DENND4C: variants seen among roughly 807,000 people sequenced by gnomAD.
DENND4C encodes the protein DENN domain-containing protein 4C.
A neutral mutation model predicts 203.0 loss-of-function variants in DENND4C; 108 were observed. The ratio of observed to expected loss-of-function variants is 0.53; its 90% CI spans 0.46 to 0.62. DENND4C has a LOEUF of 0.62. Among genes scored for constraint, DENND4C ranks in the 20% least tolerant of loss-of-function variants. The probability of loss-of-function intolerance (pLI) is 0.00; values close to 1 mark genes in which losing one functional copy is unlikely to be tolerated. For synonymous variants in DENND4C, 871 were observed against 792.4 expected (o/e 1.10, Z -1.67); for missense variants, 2,481 against 2,301.2 (o/e 1.08, Z -1.60).
At chr9:19,298,168 C>T in intron 7 of DENND4C, 46 bp downstream of exon 7, 1 of 1,520,548 alleles carries the variant, frequency 6.6e-7, no homozygotes, top group Non-Finnish European at 9.1e-7. Flanking sequence ...CATATGCTCA[C>T]CTGAGTCATT....
At chr9:19,306,269 T>C (rs1321368671) in intron 10 of DENND4C, among the ~76,000 whole-genome samples, 1 of 152,144 alleles carries the variant, frequency 6.6e-6, no homozygotes, top group Admixed American at 6.5e-5. Flanking sequence ...ATATTTTGGG[T>C]AAGGCCTGAA....
At chr9:19,256,495 T>C (rs888454766) in intron 1 of DENND4C, among the ~76,000 whole-genome samples, 2 of 151,740 alleles carry the variant, frequency 1.3e-5, no homozygotes, top group African/African-American at 2.4e-5. Context: ...TTTGTACTTT[T>C]AGAAGAGAGA....
In DENND4C at chr9:19,287,388, AT is replaced by A. The variant is rs1835402106; in HGVS notation, c.558+374del. ...ATTCATTCATTTGTTTGCTTTTTTT[AT>A]TTTTTTGAGACAGGGTCTTGCTTTG... On this transcript the variant is annotated intron_variant, in intron 3 of 32. Transcript: ENST00000434457. Among the ~76,000 whole-genome samples, 4 of 151,800 alleles carry A rather than the reference AT, an allele frequency of 2.6e-5. No individual in the cohort carries two copies. The South Asian group carries it at 8.3e-4, about 32-fold the overall frequency.
chr9:19,288,543 C>A, intron 3 of DENND4C, 53 bp from the exon 4 acceptor site: 2 of 1,113,110 alleles, frequency 1.8e-6, no homozygotes, highest in South Asian at 9.2e-5. Context: ...CCAACAAAAT[C>A]AATTTCTTTT....
At chr9:19,296,995 T>A (rs1019307768) in intron 6 of DENND4C, among the ~76,000 whole-genome samples, 10 of 152,218 alleles carry the variant, frequency 6.6e-5, no homozygotes, top group Non-Finnish European at 1.3e-4. Flanking sequence ...TTTAATTCTT[T>A]TTGTCATGCG....
chr9:19,316,579 A>C (rs778652912), intron 11 of DENND4C, 42 bp from the exon 12 acceptor site: 6 of 1,603,932 alleles, frequency 3.7e-6, no homozygotes, highest in Non-Finnish European at 3.4e-6. Context: ...TTCTTCTTAA[A>C]TTTAACATAA....
intron 1 of DENND4C, among the ~76,000 whole-genome samples, chr9:19,264,018 A>G (rs1477123199): frequency 6.6e-6 from 1 of 152,100 alleles, no homozygotes; most frequent in African/African-American, 2.4e-5. Context: ...TACTGGCCTT[A>G]CAGAATAAGT....
chr9:19,334,876 A>G, intron 17 of DENND4C, 101 bp from the exon 18 acceptor site: 1 of 1,212,200 alleles, frequency 8.2e-7, no homozygotes, highest in Non-Finnish European at 1.1e-6. Context: ...AAAGGAGAAA[A>G]TACTGCTTAA....
chr9:19,316,482 G>C lies in DENND4C; in HGVS notation c.1553G>C (p.Ser518Thr). The change falls in exon 11 of 33, where the codon AGC becomes ACC. Residue 518 changes from serine (S) to threonine (T), a missense_variant. Around this residue, in one of 3 missense-constraint regions of DENND4C, gnomAD observed 2,289 missense variants for 2,113.3 expected, o/e 1.08. Transcript: ENST00000434457. ...AAAAAGCCGTGCAAAAATCTACTTA[G>C]CACCTTAAAGAAATTGTATCCCCAG... ...LPKKPCKNLL[S>T]TLKKLYPQLS... is the part of the protein sequence containing the mutation. 1 of 1,613,766 alleles carries C rather than the reference G, an allele frequency of 6.2e-7. No homozygotes were observed. The highest frequency in any genetic ancestry group is 8.5e-7 in the Non-Finnish European group (1 of 1,179,922).
At chr9:19,271,142 A>C (rs1456227179) in intron 1 of DENND4C, among the ~76,000 whole-genome samples, 1 of 152,034 alleles carries the variant, frequency 6.6e-6, no homozygotes, top group Non-Finnish European at 1.5e-5. Flanking sequence ...TAATTATTTA[A>C]TGCAGTCCTA....
At chr9:19,322,431 A>G (rs1843028554) in intron 12 of DENND4C, among the ~76,000 whole-genome samples, 1 of 152,134 alleles carries the variant, frequency 6.6e-6, no homozygotes, top group Non-Finnish European at 1.5e-5. Flanking sequence ...TTGGACGGAG[A>G]AAGAAGTGAA....
At chr9:19,355,811 T>C (rs1464876878) in intron 26 of DENND4C, among the ~76,000 whole-genome samples, 2 of 152,216 alleles carry the variant, frequency 1.3e-5, no homozygotes, top group Non-Finnish European at 2.9e-5. Flanking sequence ...TTGAGATTTA[T>C]AGATTAATGT....
At position 19,266,216 on chromosome 9, in the gene DENND4C, G is replaced by A. The variant is rs559227909; in HGVS notation, c.-17-9942G>A. 1.1e-4 allele frequency among the ~76,000 whole-genome samples: 17 copies of A among 152,276 alleles called. No individual in the cohort carries two copies. The South Asian group carries it at 3.1e-3, about 28-fold the overall frequency. On this transcript the variant is annotated intron_variant, in intron 1 of 32. Coordinates refer to ENST00000434457, the MANE Select transcript of DENND4C (RefSeq NM_001330640.2). The stretch of plus-strand genomic sequence containing the variant: ...TTTCTCTGATGGCCAGTGATGATGA[G>A]CATTTTTTCATGTGTCTGTTGGCTG...
At chr9:19,319,331 T>C (rs1299577105) in intron 12 of DENND4C, among the ~76,000 whole-genome samples, 1 of 39,258 alleles carries the variant, frequency 2.5e-5, no homozygotes, top group Non-Finnish European at 6.2e-5. Flanking sequence ...TATATACATA[T>C]ATATACACAT....
chr9:19,265,018 T>G (rs1830198862), intron 1 of DENND4C, among the ~76,000 whole-genome samples: 1 of 152,084 alleles, frequency 6.6e-6, no homozygotes, highest in South Asian at 2.1e-4. Flanking sequence ...AATTTTAAAA[T>G]TTTCTTTCTT....
At chr9:19,330,258 A>G (rs993190851) in intron 16 of DENND4C, among the ~76,000 whole-genome samples, 17 of 151,852 alleles carry the variant, frequency 1.1e-4, no homozygotes, top group African/African-American at 4.1e-4. Flanking sequence ...TAGAAAAACA[A>G]GGGCATGTAT....
chr9:19,232,385 A>G (rs575078966), intron 1 of DENND4C, among the ~76,000 whole-genome samples: 2 of 152,210 alleles, frequency 1.3e-5, no homozygotes, highest in South Asian at 4.1e-4. Flanking sequence ...GATCTTTTGT[A>G]TAACCTGTTG....
chr9:19,231,628 C>G (rs1820590649), intron 1 of DENND4C, among the ~76,000 whole-genome samples: 1 of 151,542 alleles, frequency 6.6e-6, no homozygotes, highest in Non-Finnish European at 1.5e-5. Flanking sequence ...AGGAATTACC[C>G]AGTTTTTAAA....
chr9:19,231,723 G>C (rs1043400788), intron 1 of DENND4C, among the ~76,000 whole-genome samples: 1 of 151,950 alleles, frequency 6.6e-6, no homozygotes, highest in Non-Finnish European at 1.5e-5. Context: ...GCAAATTTGA[G>C]GGAAAGTGTC....
Sources: gnomAD v4.1 joint callset for allele counts (sites outside exome capture counted in the v4.1 genomes callset) on GRCh38, gnomAD v4.1.1 for gene constraint, gnomAD v4.1.1 regional missense constraint, MANE v1.5 for transcripts, NCBI Gene and HGNC (gene_info 2026-07-23, HGNC 2026-07-21) for gene names.